The following PKN2 variants were observed in gnomAD, a reference collection of about 807,000 sequenced individuals.
PKN2 encodes protein kinase N2, also known as serine/threonine-protein kinase N2.
Under a neutral mutation model 119.1 loss-of-function variants are expected in PKN2, and 38 were observed. That is an observed-to-expected ratio of 0.32 (90% CI 0.25 to 0.42). The LOEUF is 0.42. PKN2 is among the 10% of genes least tolerant of loss of function. PKN2 has a pLI of 1.00. For missense variants in PKN2, 850 were observed against 1,165.1 expected (o/e 0.73, Z 3.94); for synonymous variants, 390 against 384.9 (o/e 1.01, Z -0.15).
chr1:88,808,784 A>C (rs1196403967), intron 15 of PKN2, among the ~76,000 whole-genome samples: 5 of 152,174 alleles, frequency 3.3e-5, no homozygotes, highest in Non-Finnish European at 5.9e-5. Context: ...CCACTGTAGG[A>C]GGCATATGTT....
At chr1:88,810,610 AT>A (rs1288158354) in intron 15 of PKN2, among the ~76,000 whole-genome samples, 3 of 151,586 alleles carry the variant, frequency 2.0e-5, no homozygotes, top group African/African-American at 7.3e-5. Flanking sequence ...AGTATACTTT[AT>A]CTATATATTT....
intron 3 of PKN2, among the ~76,000 whole-genome samples, chr1:88,762,584 T>C (rs1331084336): frequency 6.6e-6 from 1 of 152,160 alleles, no homozygotes. Context: ...GGCTCTGGGG[T>C]GTAAGTGTAA....
At chr1:88,739,750 A>G (rs938600271) in intron 1 of PKN2, among the ~76,000 whole-genome samples, 2 of 152,244 alleles carry the variant, frequency 1.3e-5, no homozygotes, top group Non-Finnish European at 2.9e-5. Context: ...AATAGCTAGA[A>G]CATAACTTTA....
chr1:88,688,818 A>G (rs926666724), intron 1 of PKN2, among the ~76,000 whole-genome samples: 1 of 152,254 alleles, frequency 6.6e-6, no homozygotes, highest in African/African-American at 2.4e-5. Context: ...TACATTGATG[A>G]GAATGCTCCA....
Position 88,828,484 on chromosome 1 carries a change from TG to T in PKN2, c.2426del (p.Gly809AspfsTer21). 6.3e-7 allele frequency: 1 copy of T among 1,590,490 alleles called. No individual in the cohort carries two copies. Among genetic ancestry groups the T allele is most frequent in the Non-Finnish European group, 8.6e-7 (1 of 1,163,924 alleles). Reference protein sequence around the residue: ...IADFGLCKEGMGYGDRTSTFC... With the variant: ...IADFGLCKEGXGYGDRTSTFC... ...GTTTACATTTTATCTTTTCCAGGAA[TG>T]GGATATGGAGATAGAACAAGCACAT... On this transcript the variant is annotated frameshift_variant, in exon 19 of 22. Transcript: ENST00000370521. LOFTEE classifies it high-confidence loss of function.
chr1:88,720,980 A>G (rs1223679089), intron 1 of PKN2, among the ~76,000 whole-genome samples: 1 of 152,166 alleles, frequency 6.6e-6, no homozygotes, highest in Non-Finnish European at 1.5e-5. Context: ...ATGGCTTAGT[A>G]TCATATACAC....
intron 2 of PKN2, among the ~76,000 whole-genome samples, chr1:88,744,339 G>C (rs779474918): frequency 2.0e-5 from 3 of 152,186 alleles, no homozygotes; most frequent in Non-Finnish European, 4.4e-5. Context: ...TTAGTAAGCA[G>C]AACAAATGAC....
intron 8 of PKN2, among the ~76,000 whole-genome samples, chr1:88,803,327 AT>A (rs1012463129): frequency 2.0e-5 from 3 of 151,638 alleles, no homozygotes; most frequent in Non-Finnish European, 4.4e-5. Flanking sequence ...AGGTCAATAG[AT>A]TTTTTTTTAC....
chr1:88,712,619 T>C (rs1484076305), intron 1 of PKN2, among the ~76,000 whole-genome samples: 1 of 152,194 alleles, frequency 6.6e-6, no homozygotes, highest in Non-Finnish European at 1.5e-5. Context: ...GGGTGTGTTA[T>C]AAATTATTAA....
intron 1 of PKN2, among the ~76,000 whole-genome samples, chr1:88,715,916 C>G (rs1008503902): frequency 6.6e-6 from 1 of 152,164 alleles, no homozygotes; most frequent in Non-Finnish European, 1.5e-5. Context: ...TTCCCACTTT[C>G]TCTTATGGGC....
chr1:88,781,097 G>A lies in PKN2; in HGVS notation c.986-3542G>A, dbSNP rs79033077. On this transcript the variant is annotated intron_variant, in intron 6 of 21. Coordinates refer to ENST00000370521, the MANE Select transcript of PKN2 (RefSeq NM_006256.4). ...CATAAACTAAATTTTAAGTAACTAG[G>A]GAGAGAAATACTACTGACATTAATA... 1,061 of 1,219,416 alleles carry A rather than the reference G, an allele frequency of 8.7e-4. 6 individuals carry two copies. The African/African-American group carries it at 0.015, about 18-fold the overall frequency. 75.5% of individuals were successfully genotyped at this position (1,219,416 alleles called of 1,614,324 possible).
intron 2 of PKN2, among the ~76,000 whole-genome samples, chr1:88,749,348 T>C (rs530302859): frequency 2.7e-5 from 4 of 146,710 alleles, no homozygotes; most frequent in South Asian, 2.1e-4. Flanking sequence ...GAAGTTGCAG[T>C]GAGCCGAGAT....
At chr1:88,751,279 A>G (rs2100763695) in intron 2 of PKN2, among the ~76,000 whole-genome samples, 1 of 152,192 alleles carries the variant, frequency 6.6e-6, no homozygotes, top group Non-Finnish European at 1.5e-5. Flanking sequence ...GAAAATGTTC[A>G]TATATACACA....
chr1:88,804,418 T>C lies in PKN2; in HGVS notation c.1309T>C (p.Trp437Arg), dbSNP rs1185759125. The change falls in exon 9 of 22, where the codon TGG becomes CGG. Residue 437 changes from tryptophan to arginine, a missense_variant. Trp to Arg is a moderately radical substitution (Grantham distance 101). Around this residue, in one of 9 missense-constraint regions of PKN2, gnomAD observed 350 missense variants for 511.1 expected, o/e 0.68. Transcript: ENST00000370521. ...ACGTGAACTGGAAATTTCAGTTTAT[T>C]GGCGTGATTGGCGGTCTCTGTGTGC... ...RSRELEISVY[W>R]RDWRSLCAVK... 3.7e-6 allele frequency: 6 copies of C among 1,612,996 alleles called. No homozygotes were observed. In the East Asian group the frequency reaches 8.9e-5, roughly 24 times the overall value.
intron 19 of PKN2, 130 bp from the exon 20 acceptor site, chr1:88,832,614 T>A (rs771478612): frequency 1.8e-5 from 11 of 596,770 alleles, no homozygotes; most frequent in African/African-American, 9.3e-5. Context: ...TTTATTGTTG[T>A]TGTTGTTGTT....
rs754877895 is a variant in PKN2, at chr1:88,821,967, G to C, written c.2306G>C (p.Gly769Ala). 135 of 1,576,250 alleles carry C rather than the reference G, an allele frequency of 8.6e-5. No homozygotes were observed. Among genetic ancestry groups the C allele is most frequent in the Non-Finnish European group, 1.0e-4 (120 of 1,165,624 alleles). ...TTTTATGCTGCTTGTGTAGTTCTTG[G>C]GTTGCAGTATTTACATGAACACAAA... ...AVFYAACVVLGLQYLHEHKIV... is the reference protein window; with the variant it reads ...AVFYAACVVLALQYLHEHKIV... The change falls in exon 17 of 22, where the codon GGG becomes GCG. Residue 769 changes from glycine (G) to alanine (A), a missense_variant. Around this residue, in one of 9 missense-constraint regions of PKN2, gnomAD observed 55 missense variants for 85.9 expected, o/e 0.64. Transcript: ENST00000370521.
intron 4 of PKN2, 91 bp downstream of exon 4, chr1:88,770,560 A>T: frequency 1.5e-6 from 1 of 678,602 alleles, no homozygotes; most frequent in Non-Finnish European, 2.7e-6. Flanking sequence ...GTTAAGAGGG[A>T]GGAAGCATTA....
At chr1:88,798,914 A>G (rs1157480316) in intron 8 of PKN2, among the ~76,000 whole-genome samples, 1 of 152,196 alleles carries the variant, frequency 6.6e-6, no homozygotes, top group Non-Finnish European at 1.5e-5. Flanking sequence ...TGTAGAAGAG[A>G]TGGATGTTTA....
chr1:88,689,803 C>T (rs1489780655), intron 1 of PKN2, among the ~76,000 whole-genome samples: 1 of 151,680 alleles, frequency 6.6e-6, no homozygotes, highest in Non-Finnish European at 1.5e-5. Flanking sequence ...AGAGTGAGAA[C>T]CTGTCTCAAA....
Sources: allele counts gnomAD v4.1 joint callset (sites outside exome capture counted in the v4.1 genomes callset), GRCh38; gene constraint gnomAD v4.1.1; regional missense constraint gnomAD v4.1.1; transcripts MANE v1.5; gene names NCBI Gene and HGNC (gene_info 2026-07-23, HGNC 2026-07-21).